TAF1A: variants seen among roughly 807,000 people sequenced by gnomAD.
The protein encoded by TAF1A is TATA box-binding protein-associated factor RNA polymerase I subunit A.
TAF1A carries 42 observed loss-of-function variants against 61.6 expected under a neutral mutation model. The ratio of observed to expected loss-of-function variants is 0.68; its 90% CI spans 0.53 to 0.88. The LOEUF is 0.88. Among genes scored for constraint, TAF1A ranks in the 40% least tolerant of loss-of-function variants. The pLI is 0.00. For missense variants in TAF1A, 424 were observed against 518.7 expected, an observed-to-expected ratio of 0.82 and a Z score of 1.77; for synonymous variants, 179 against 177.7, an observed-to-expected ratio of 1.01 and a Z score of -0.06.
At chr1:222,589,471 C>T (rs1661163659) in intron 1 of TAF1A, among the ~76,000 whole-genome samples, 1 of 152,176 alleles carries the variant, frequency 6.6e-6, no homozygotes, top group South Asian at 2.1e-4. Flanking sequence ...TAAGTAACAA[C>T]TGAATTTGAA....
rs374209684 is a variant in TAF1A, at chr1:222,570,687, T to C, written c.605-22A>G. The stretch of plus-strand genomic sequence containing the variant: ...TTATCTGCCCAAAGATACAAGATCT[T>C]TTAACATTCATTAAACATTGAGGAC... On this transcript the variant is annotated intron_variant, in intron 5 of 10. Transcript: ENST00000352967. 3.8e-6 allele frequency: 6 copies of C among 1,562,426 alleles called. No individual in the cohort carries two copies. The African/African-American group carries it at 8.1e-5, about 21-fold the overall frequency.
downstream of TAF1A, among the ~76,000 whole-genome samples, chr1:222,556,644 T>G (rs4400619): frequency 0.099 from 15,031 of 152,266 alleles, 944 homozygotes; most frequent in Non-Finnish European, 0.14. Flanking sequence ...CTAAAAAAAG[T>G]TTCACAGGTG....
At chr1:222,574,958 T>C (rs1660507039) in intron 5 of TAF1A, among the ~76,000 whole-genome samples, 1 of 152,178 alleles carries the variant, frequency 6.6e-6, no homozygotes, top group South Asian at 2.1e-4. Flanking sequence ...TTAATCTGGG[T>C]GGTGGTTATG....
chr1:222,585,723 A>G (rs1002744399), intron 2 of TAF1A, among the ~76,000 whole-genome samples: 2 of 152,212 alleles, frequency 1.3e-5, no homozygotes, highest in African/African-American at 4.8e-5. Flanking sequence ...ATATAAACAA[A>G]AAAAGTATAA....
downstream of TAF1A, among the ~76,000 whole-genome samples, chr1:222,557,469 C>T (rs1659744778): frequency 1.3e-5 from 2 of 152,030 alleles, no homozygotes; most frequent in South Asian, 4.2e-4. Context: ...TCTTTTTCTC[C>T]AAGACAGAGT....
chr1:222,555,261 C>G (rs1351157161), downstream of TAF1A, among the ~76,000 whole-genome samples: 1 of 151,964 alleles, frequency 6.6e-6, no homozygotes, highest in African/African-American at 2.4e-5. Flanking sequence ...GGGTATATAC[C>G]CAAAAGAATT....
At chr1:222,587,913 G>C (rs929791453) in intron 2 of TAF1A, among the ~76,000 whole-genome samples, 2 of 152,000 alleles carry the variant, frequency 1.3e-5, no homozygotes, top group Non-Finnish European at 1.5e-5. Flanking sequence ...CTAGCCAGGC[G>C]TGGTGGCTGG....
chr1:222,576,246 T>C (rs1460276777), intron 5 of TAF1A, among the ~76,000 whole-genome samples: 3 of 152,150 alleles, frequency 2.0e-5, no homozygotes, highest in African/African-American at 7.2e-5. Context: ...GAGGAGACTC[T>C]ACAAAGGCCT....
Position 222,569,682 on chromosome 1 carries a change from A to C in TAF1A, c.736-14T>G, listed in dbSNP as rs759608811. 37 of 1,601,714 alleles carry C rather than the reference A, an allele frequency of 2.3e-5. No homozygotes were observed. Among genetic ancestry groups the C allele is most frequent in the Non-Finnish European group, 3.0e-5 (35 of 1,175,678 alleles). ...GAATTCCAGCATCTATATAAAATAA[A>C]TCATAATATCTTAGCTGAATTCTGT... On this transcript the variant is annotated splice_polypyrimidine_tract_variant and intron_variant, in intron 6 of 10. Coordinates refer to ENST00000352967, the MANE Select transcript of TAF1A (RefSeq NM_005681.4).
At chr1:222,566,302 C>T (rs1327622495) in intron 7 of TAF1A, among the ~76,000 whole-genome samples, 9 of 152,178 alleles carry the variant, frequency 5.9e-5, no homozygotes, top group Admixed American at 4.6e-4. Flanking sequence ...ACTAGGATAG[C>T]GGTCCCCAAC....
intron 6 of TAF1A, 52 bp downstream of exon 6, chr1:222,570,483 T>C (rs1184827563): frequency 2.8e-5 from 43 of 1,529,670 alleles, no homozygotes; most frequent in Admixed American, 1.1e-4. Flanking sequence ...GCAGTCTTTG[T>C]ATAGGCTTTT....
chr1:222,584,105 C>T (rs774726731), intron 3 of TAF1A, 23 bp downstream of exon 3: 7 of 1,600,424 alleles, frequency 4.4e-6, no homozygotes, highest in Middle Eastern at 1.7e-4. Flanking sequence ...TCATTTCTTC[C>T]AGCAAACTCA....
chr1:222,575,521 C>T (rs2936036), intron 5 of TAF1A, among the ~76,000 whole-genome samples: 52,689 of 151,832 alleles, frequency 0.35, 10,234 homozygotes, highest in African/African-American at 0.54. Context: ...CAAGACTCTG[C>T]CTCAAAGAGA....
intron 2 of TAF1A, among the ~76,000 whole-genome samples, chr1:222,585,423 A>C (rs1032677910): frequency 6.6e-6 from 1 of 151,870 alleles, no homozygotes; most frequent in African/African-American, 2.4e-5. Context: ...CAAATACATA[A>C]AAAATTGGGG....
intron 2 of TAF1A, among the ~76,000 whole-genome samples, chr1:222,584,646 C>T (rs1172314759): frequency 3.3e-5 from 5 of 152,132 alleles, no homozygotes; most frequent in African/African-American, 4.8e-5. Flanking sequence ...GGTAAAATGT[C>T]AGGGTCATTC....
intron 8 of TAF1A, among the ~76,000 whole-genome samples, chr1:222,563,663 C>T (rs1235691850): frequency 6.6e-6 from 1 of 152,184 alleles, no homozygotes; most frequent in Non-Finnish European, 1.5e-5. Context: ...TGGGCTTAGC[C>T]AGCTGATTTT....
chr1:222,557,880 GTTTTTTTT>G (rs1226541871), downstream of TAF1A: 9 of 115,636 alleles, frequency 7.8e-5, no homozygotes, highest in South Asian at 3.1e-4. Flanking sequence ...GAGTCTTTTT[GTTTTTTTT>G]TTTTTTTTTT....
At position 222,571,327 on chromosome 1, in the gene TAF1A, A is replaced by C. The variant is rs1660341455; in HGVS notation, c.605-662T>G. The stretch of plus-strand genomic sequence containing the variant: ...CTTTCCCCCTAAAATCAGTAATAAG[A>C]CAAAAATGTCTTTTCTCACTACTTT... On this transcript the variant is annotated intron_variant, in intron 5 of 10. Coordinates refer to ENST00000352967, the MANE Select transcript of TAF1A (RefSeq NM_005681.4). 2.6e-5 allele frequency among the ~76,000 whole-genome samples: 4 copies of C among 152,278 alleles called. No homozygotes were observed. The South Asian group carries it at 8.3e-4, about 32-fold the overall frequency.
chr1:222,562,822 C>T (rs754870672), intron 9 of TAF1A, among the ~76,000 whole-genome samples: 2 of 152,086 alleles, frequency 1.3e-5, no homozygotes, highest in African/African-American at 2.4e-5. Context: ...AAGCTGCTTC[C>T]CATGTGATCT....
Sources: gnomAD v4.1 joint callset for allele counts (sites outside exome capture counted in the v4.1 genomes callset) on GRCh38, gnomAD v4.1.1 for gene constraint, MANE v1.5 for transcripts, NCBI Gene and HGNC (gene_info 2026-07-23, HGNC 2026-07-21) for gene names.